The following UBR2 variants were observed in gnomAD, a reference collection of about 807,000 sequenced individuals.
UBR2 encodes E3 ubiquitin-protein ligase UBR2.
In UBR2, 92 loss-of-function variants were observed where a neutral mutation model predicts 247.9. The observed-to-expected ratio is 0.37, with a 90% CI of 0.31 to 0.44. The LOEUF is 0.44. Ranked by LOEUF, UBR2 falls within the 20% of genes least tolerant of loss-of-function variation. The pLI is 1.00. For missense variants in UBR2, 1,613 were observed against 2,112.6 expected (o/e 0.76, Z 4.64); for synonymous variants, 672 against 693.5 (o/e 0.97, Z 0.49).
intron 4 of UBR2, among the ~76,000 whole-genome samples, chr6:42,596,325 A>AAATGACTCAGT (rs1276920255): frequency 6.6e-6 from 1 of 152,002 alleles, no homozygotes; most frequent in African/African-American, 2.4e-5. Context: ...CACCCTCAGT[A>AAATGACTCAGT]AGATGACTAT....
intron 7 of UBR2, among the ~76,000 whole-genome samples, chr6:42,611,632 G>A (rs1230933171): frequency 3.9e-5 from 6 of 152,166 alleles, no homozygotes; most frequent in Middle Eastern, 3.4e-3. Flanking sequence ...CTGGTCAGGC[G>A]CAGTGGCTCA....
chr6:42,613,051 A>T (rs1375872220), intron 8 of UBR2, among the ~76,000 whole-genome samples: 2 of 152,200 alleles, frequency 1.3e-5, no homozygotes, highest in East Asian at 3.8e-4. Flanking sequence ...CAGTGAGCCA[A>T]CATCACGCCA....
At chr6:42,680,146 CAG>C (rs1798952986) in intron 42 of UBR2, among the ~76,000 whole-genome samples, 1 of 152,156 alleles carries the variant, frequency 6.6e-6, no homozygotes, top group Non-Finnish European at 1.5e-5. Flanking sequence ...GCTGGGGTTA[CAG>C]GCATACACCA....
At chr6:42,622,820 T>C (rs1795079819) in intron 11 of UBR2, among the ~76,000 whole-genome samples, 1 of 150,024 alleles carries the variant, frequency 6.7e-6, no homozygotes, top group East Asian at 2.0e-4. Flanking sequence ...TCCACATTCA[T>C]TTATTCTAAT....
At chr6:42,632,447 A>G in intron 11 of UBR2, 105 bp from the exon 12 acceptor site, 3 of 1,039,706 alleles carry the variant, frequency 2.9e-6, no homozygotes, top group Non-Finnish European at 4.0e-6. Context: ...GTTGTGTTGA[A>G]AAAGGTTTAA....
chr6:42,613,312 A>G (rs1413151288), intron 8 of UBR2, among the ~76,000 whole-genome samples: 1 of 152,228 alleles, frequency 6.6e-6, no homozygotes, highest in Non-Finnish European at 1.5e-5. Flanking sequence ...GAAAAATTTG[A>G]ATACATTTGT....
At chr6:42,644,605 T>G (rs959848951) in intron 20 of UBR2, 69 bp downstream of exon 20, 4 of 1,341,592 alleles carry the variant, frequency 3.0e-6, no homozygotes, top group Middle Eastern at 2.6e-4. Context: ...AGTTTGGAAT[T>G]TCTGGCCTGT....
In UBR2 at chr6:42,691,062, G is replaced by A. The variant is rs1214444655; in HGVS notation, c.5157G>A (p.Glu1719=). 1 of 1,614,136 alleles carries A rather than the reference G, an allele frequency of 6.2e-7. No homozygotes were observed. The highest frequency in any genetic ancestry group is 8.5e-7 in the Non-Finnish European group (1 of 1,180,024). Residue 1719 remains glutamate (E), a synonymous_variant, in exon 47 of 47, where the codon GAG becomes GAA. Coordinates refer to ENST00000372901, the MANE Select transcript of UBR2 (RefSeq NM_001363705.2). ...GAAATCCTTTACATTTATGCAAAGA[G>A]CGATTCAAGAAGATTCAGAAGCTCT... ...RRGNPLHLCK[E]RFKKIQKLWH... is the part of the protein sequence containing the mutation.
At chr6:42,642,512 T>C (rs1217370259) in intron 18 of UBR2, 31 bp downstream of exon 18, 1 of 1,555,676 alleles carries the variant, frequency 6.4e-7, no homozygotes, top group South Asian at 1.1e-5. Context: ...AACTTAAAGG[T>C]TGTGGGGAAT....
rs373357045 is a variant in UBR2, at chr6:42,659,815, T to C, written c.3402T>C (p.Thr1134=). The change falls in exon 30 of 47, where the codon ACT becomes ACC. Residue 1134 remains threonine, a synonymous_variant. Coordinates refer to ENST00000372901, the MANE Select transcript of UBR2 (RefSeq NM_001363705.2). This position sits in a 1 kb window ranked among gnomAD's most constrained non-coding sequence, Gnocchi z 4.3. The stretch of plus-strand genomic sequence containing the variant: ...TGGCAGCATTTGTTCAGAGATCAAC[T>C]GTATTATCAAAAAACAGAAGTAAAT... The part of the protein sequence containing the change: ...MVLAAFVQRS[T]VLSKNRSKFI... 1.7e-5 allele frequency: 28 copies of C among 1,614,068 alleles called. No homozygotes were observed. In the Admixed American group the frequency reaches 3.0e-4, roughly 17 times the overall value.
In UBR2 at chr6:42,684,824, C is replaced by A. The variant is rs1262192724; in HGVS notation, c.4806C>A (p.Asn1602Lys). ...RYPRESNKLI[N>K]LPEDYSSLIN... is the part of the protein sequence containing the mutation. ...CAAGAGAATCTAACAAATTAATAAA[C>A]CTTCCAGAGGATTACAGCAGCCTCA... The change falls in exon 44 of 47, where the codon AAC (asparagine) becomes AAA (lysine). Residue 1602 changes from asparagine (N) to lysine (K), a missense_variant. Transcript: ENST00000372901. 7 of 1,610,156 alleles carry A rather than the reference C, an allele frequency of 4.3e-6. No homozygotes were observed. Among genetic ancestry groups the A allele is most frequent in the Non-Finnish European group, 5.1e-6 (6 of 1,178,214 alleles).
intron 11 of UBR2, among the ~76,000 whole-genome samples, chr6:42,631,860 T>TTATATATATATA (rs59218885): frequency 2.0e-4 from 12 of 61,504 alleles, no homozygotes; most frequent in African/African-American, 5.5e-4. Flanking sequence ...TACTCTGATT[T>TTATATATATATA]TATATATATA....
chr6:42,566,635 G>T lies in UBR2; in HGVS notation c.78+2238G>T, dbSNP rs541018601. Among the ~76,000 whole-genome samples, 6 of 152,208 alleles carry T rather than the reference G, an allele frequency of 3.9e-5. No individual in the cohort carries two copies. The South Asian group carries it at 1.2e-3, about 32-fold the overall frequency. On this transcript the variant is annotated intron_variant, in intron 1 of 46. Transcript: ENST00000372901. The stretch of plus-strand genomic sequence containing the variant: ...ACTCCTGACCTCAGGTTATCCGTCC[G>T]CCTTGGCCTCCCAAAGTCCTGGGAT...
chr6:42,565,437 T>C (rs549645876), intron 1 of UBR2, among the ~76,000 whole-genome samples: 2 of 152,302 alleles, frequency 1.3e-5, no homozygotes, highest in South Asian at 2.1e-4. Context: ...TGAGTAGTTA[T>C]TTTGCGTGAA....
chr6:42,621,556 G>A (rs974480972), intron 11 of UBR2, among the ~76,000 whole-genome samples: 4 of 151,500 alleles, frequency 2.6e-5, no homozygotes, highest in African/African-American at 4.9e-5. Context: ...TCCGCCTCCC[G>A]GGTTCAAGCA....
At chr6:42,632,069 A>AATATATATATAT (rs1554254886) in intron 11 of UBR2, among the ~76,000 whole-genome samples, 1 of 114,088 alleles carries the variant, frequency 8.8e-6, no homozygotes, top group African/African-American at 3.4e-5. Flanking sequence ...AAAAAAAAAA[A>AATATATATATAT]ATATATATAT....
chr6:42,648,067 G>A (rs1032009517), intron 21 of UBR2, 51 bp from the exon 22 acceptor site: 4 of 1,458,210 alleles, frequency 2.7e-6, no homozygotes, highest in Non-Finnish European at 3.8e-6. Context: ...AATGCTAAGA[G>A]TGCTAGTAGT....
In UBR2 at chr6:42,673,854, G is replaced by A; in HGVS notation, c.4150G>A (p.Val1384Met). 2 of 1,614,070 alleles carry A rather than the reference G, an allele frequency of 1.2e-6. No individual in the cohort carries two copies. Among genetic ancestry groups the A allele is most frequent in the Admixed American group, 1.7e-5 (1 of 60,008 alleles). The change falls in exon 37 of 47, where the codon GTG becomes ATG. Residue 1384 changes from valine to methionine, a missense_variant. By Grantham distance (21) the Val-to-Met change is conservative. Transcript: ENST00000372901. The stretch of plus-strand genomic sequence containing the variant: ...ACACTGGACAGTGGCATCAGTTTCA[G>A]TGGTGCAAGGACATTTTTGTAAACT... ...AAHWTVASVS[V>M]VQGHFCKLFA... is the part of the protein sequence containing the mutation.
At chr6:42,631,891 A>ATAC (rs752152787) in intron 11 of UBR2, among the ~76,000 whole-genome samples, 10 of 114,092 alleles carry the variant, frequency 8.8e-5, no homozygotes, top group Non-Finnish European at 1.8e-4. Context: ...TATATATATA[A>ATAC]ATACAGGTTC....
Sources: gnomAD v4.1 joint callset for allele counts (sites outside exome capture counted in the v4.1 genomes callset) on GRCh38, gnomAD v4.1.1 for gene constraint, Gnocchi (gnomAD v3.1) non-coding constraint, MANE v1.5 for transcripts, NCBI Gene and HGNC (gene_info 2026-07-23, HGNC 2026-07-21) for gene names.